Variants in MIA2 observed in about 807,000 individuals in gnomAD.
MIA2 encodes the protein melanoma inhibitory activity protein 2.
Under a neutral mutation model 167.8 loss-of-function variants are expected in MIA2, and 127 were observed. The ratio of observed to expected loss-of-function variants is 0.76; its 90% CI spans 0.66 to 0.88. The LOEUF is 0.88. Ranked by LOEUF, MIA2 falls within the 40% of genes least tolerant of loss-of-function variation. The probability of loss-of-function intolerance (pLI) is 0.00; values close to 1 mark genes in which losing one functional copy is unlikely to be tolerated. For synonymous variants in MIA2, 552 were observed against 541.9 expected, an observed-to-expected ratio of 1.02 and a Z score of -0.26; for missense variants, 1,690 against 1,624.7, an observed-to-expected ratio of 1.04 and a Z score of -0.69.
At chr14:39,268,562 G>C (rs1236536110) in intron 6 of MIA2, among the ~76,000 whole-genome samples, 1 of 152,212 alleles carries the variant, frequency 6.6e-6, no homozygotes, top group Non-Finnish European at 1.5e-5. Flanking sequence ...AGTGGGCTTA[G>C]GGAGTGATGG....
intron 25 of MIA2, among the ~76,000 whole-genome samples, chr14:39,331,343 G>T (rs961573031): frequency 6.6e-6 from 1 of 152,022 alleles, no homozygotes; most frequent in South Asian, 2.1e-4. Context: ...TTGAGCCTAT[G>T]TGTGTCTATG....
Position 39,311,992 on chromosome 14 carries a change from C to T in MIA2, c.3018-1348C>T, listed in dbSNP as rs546869753. On this transcript the variant is annotated intron_variant, in intron 18 of 28. Transcript: ENST00000640607. ...TTACAGGTGCGCGCCACCATGCCTG[C>T]CTAATTTTTGTATTTTTAGTGGAGA... Among the ~76,000 whole-genome samples the T allele has an allele frequency of 1.6e-4, 24 of 148,558 alleles. No homozygotes were observed. The South Asian group carries it at 5.2e-3, about 32-fold the overall frequency.
At chr14:39,290,392 A>G (rs528071895) in intron 9 of MIA2, among the ~76,000 whole-genome samples, 1 of 152,194 alleles carries the variant, frequency 6.6e-6, no homozygotes, top group African/African-American at 2.4e-5. Flanking sequence ...GATCCAGAAC[A>G]ACGTAGTCTT....
At chr14:39,269,838 G>T (rs1157943681) in intron 6 of MIA2, among the ~76,000 whole-genome samples, 7 of 152,014 alleles carry the variant, frequency 4.6e-5, no homozygotes, top group Non-Finnish European at 1.0e-4. Flanking sequence ...TCTTTTTATG[G>T]TGAAAAAATA....
chr14:39,264,541 G>C (rs893106432), intron 6 of MIA2, among the ~76,000 whole-genome samples: 5 of 152,050 alleles, frequency 3.3e-5, no homozygotes, highest in African/African-American at 1.2e-4. Flanking sequence ...GAGCCTCTTT[G>C]AGTTCTAATG....
chr14:39,307,724 T>A (rs1273055478), intron 17 of MIA2, among the ~76,000 whole-genome samples: 1 of 151,938 alleles, frequency 6.6e-6, no homozygotes, highest in Non-Finnish European at 1.5e-5. Context: ...TTTATATAGC[T>A]CCTTAATTCA....
At chr14:39,287,431 G>T (rs578197566) in intron 9 of MIA2, among the ~76,000 whole-genome samples, 1 of 152,076 alleles carries the variant, frequency 6.6e-6, no homozygotes, top group African/African-American at 2.4e-5. Flanking sequence ...CTTTGTACCA[G>T]ATCTTAATGG....
chr14:39,325,414 C>G (rs1376899975), intron 24 of MIA2, among the ~76,000 whole-genome samples: 2 of 145,014 alleles, frequency 1.4e-5, no homozygotes, highest in South Asian at 4.4e-4. Flanking sequence ...ATCCCCCAGA[C>G]TGGTGTGCAG....
At chr14:39,344,425 C>A (rs1358648713) in intron 25 of MIA2, among the ~76,000 whole-genome samples, 2 of 152,124 alleles carry the variant, frequency 1.3e-5, no homozygotes, top group East Asian at 3.8e-4. Flanking sequence ...TAACTCAAAC[C>A]CTTTGAAACA....
At chr14:39,276,342 T>G (rs1947821643) in intron 6 of MIA2, 1 of 152,188 alleles carries the variant, frequency 6.6e-6, no homozygotes, top group Non-Finnish European at 1.5e-5. Context: ...TACCCTTTTT[T>G]GAGCACCTGT....
intron 13 of MIA2, among the ~76,000 whole-genome samples, chr14:39,298,864 A>C (rs1040124847): frequency 4.0e-5 from 6 of 151,254 alleles, no homozygotes; most frequent in African/African-American, 7.3e-5. Context: ...TGGGAGGATC[A>C]CTTGAGGCCA....
At chr14:39,363,624 A>C (rs573071384) in intron 23 of MIA2, among the ~76,000 whole-genome samples, 1 of 152,238 alleles carries the variant, frequency 6.6e-6, no homozygotes, top group African/African-American at 2.4e-5. Flanking sequence ...CGTAACTATT[A>C]CTGCATTGGT....
At chr14:39,246,488 C>T (rs1278868054) in intron 3 of MIA2, among the ~76,000 whole-genome samples, 1 of 152,080 alleles carries the variant, frequency 6.6e-6, no homozygotes, top group Non-Finnish European at 1.5e-5. Context: ...AAAGCTGAGG[C>T]AGGATGAATG....
chr14:39,346,872 C>T, intron 26 of MIA2: 2 of 322,278 alleles, frequency 6.2e-6, no homozygotes, highest in Non-Finnish European at 6.1e-6. Flanking sequence ...TCCCAAAGTG[C>T]TGGGATTACA....
At chr14:39,317,838 T>C (rs1316946543) in intron 21 of MIA2, 106 bp from the exon 22 acceptor site, 1 of 630,314 alleles carries the variant, frequency 1.6e-6, no homozygotes, top group Non-Finnish European at 2.5e-6. Flanking sequence ...ATTGTTGTGA[T>C]ATATATATAT....
At chr14:39,301,035 TACATACAC>T (rs1359957324) in intron 14 of MIA2, among the ~76,000 whole-genome samples, 2,467 of 68,652 alleles carry the variant, frequency 0.036, 85 homozygotes, top group African/African-American at 0.13. Flanking sequence ...TATATACATA[TACATACAC>T]ACACACACAC....
At chr14:39,331,293 C>A (rs1033347239) in intron 25 of MIA2, among the ~76,000 whole-genome samples, 1 of 151,538 alleles carries the variant, frequency 6.6e-6, no homozygotes, top group African/African-American at 2.4e-5. Context: ...CTTTTTTTTG[C>A]TTTCCATTTG....
intron 9 of MIA2, among the ~76,000 whole-genome samples, chr14:39,288,486 T>TTG (rs1419091511): frequency 1.4e-4 from 14 of 99,650 alleles, no homozygotes; most frequent in East Asian, 5.7e-4. Context: ...TTTTTTTTTT[T>TTG]TTTTTTGAGA....
chr14:39,273,092 TCAAA>T lies in MIA2; in HGVS notation c.1888-3839_1888-3836del, dbSNP rs201479303. Among the ~76,000 whole-genome samples the T allele has an allele frequency of 2.5e-3, 377 of 152,314 alleles. 3 individuals are homozygous for T. The highest frequency in any genetic ancestry group is 0.017 in the East Asian group (87 of 5,188). ...TGTATAGAATAGCATTATGTCATCT[TCAAA>T]CAGTTTTTCTTCTTCCTTTCCAGTC... On this transcript the variant is annotated intron_variant, in intron 6 of 28. Transcript: ENST00000640607.
Sources: gnomAD v4.1 joint callset for allele counts (sites outside exome capture counted in the v4.1 genomes callset) on GRCh38, gnomAD v4.1.1 for gene constraint, MANE v1.5 for transcripts, NCBI Gene and HGNC (gene_info 2026-07-23, HGNC 2026-07-21) for gene names.